The following AGPAT4 variants were observed in gnomAD, a reference collection of about 807,000 sequenced individuals.
AGPAT4 encodes 1-acyl-sn-glycerol-3-phosphate acyltransferase delta.
A neutral mutation model predicts 48.0 loss-of-function variants in AGPAT4; 15 were observed. The ratio of observed to expected loss-of-function variants is 0.31; its 90% CI spans 0.21 to 0.48. The LOEUF is 0.48. Among genes scored for constraint, AGPAT4 ranks in the 20% least tolerant of loss-of-function variants. The pLI, the probability that AGPAT4 is intolerant of heterozygous loss-of-function variation, is 0.99. For synonymous variants in AGPAT4, 178 were observed against 198.7 expected, an observed-to-expected ratio of 0.90 and a Z score of 0.88; for missense variants, 314 against 482.5, an observed-to-expected ratio of 0.65 and a Z score of 3.27.
At chr6:161,268,487 T>G (rs1452338244) in intron 1 of AGPAT4, among the ~76,000 whole-genome samples, 2 of 152,174 alleles carry the variant, frequency 1.3e-5, no homozygotes, top group African/African-American at 2.4e-5. Context: ...GGCCCTGGTG[T>G]GTGTTGTTCC....
Position 161,240,548 on chromosome 6 carries a change from G to A in AGPAT4, c.-89-8246C>T, listed in dbSNP as rs1028597540. On this transcript the variant is annotated intron_variant, in intron 1 of 8. Coordinates refer to ENST00000320285, the MANE Select transcript of AGPAT4 (RefSeq NM_020133.3). The surrounding 1 kb of genome is among the most constrained non-coding windows in gnomAD (Gnocchi z 5.5). ...CAAATAAAAGAAAATAAAAACTTCA[G>A]GGACTGGCAAAGAGAGCAGCACAGC... Among the ~76,000 whole-genome samples the A allele has an allele frequency of 1.3e-5, 2 of 152,186 alleles. No individual in the cohort carries two copies. The highest frequency in any genetic ancestry group is 4.8e-5 in the African/African-American group (2 of 41,440).
intron 2 of AGPAT4, among the ~76,000 whole-genome samples, chr6:161,173,551 G>A (rs1485851918): frequency 6.6e-6 from 1 of 152,162 alleles, no homozygotes; most frequent in African/African-American, 2.4e-5. Flanking sequence ...TTAGCCCTTT[G>A]TCAGATGGGT....
In AGPAT4 at chr6:161,235,866, C is replaced by T. The variant is rs539370135; in HGVS notation, c.-89-3564G>A. ...CCAATCAGCTCCCACCAGGTCCCAC[C>T]TCCAGTGCTGGGGATTACAAATTCA... is the stretch of plus-strand genomic sequence containing the variant. On this transcript the variant is annotated intron_variant, in intron 1 of 8. Coordinates refer to ENST00000320285, the MANE Select transcript of AGPAT4 (RefSeq NM_020133.3). This position sits in a 1 kb window ranked among gnomAD's most constrained non-coding sequence, Gnocchi z 6.2. Among the ~76,000 whole-genome samples the T allele has an allele frequency of 3.2e-4, 49 of 152,322 alleles. No homozygotes were observed. Among genetic ancestry groups the T allele is most frequent in the African/African-American group, 1.1e-3 (46 of 41,586 alleles).
chr6:161,160,867 G>C (rs1779908397), intron 3 of AGPAT4: 4 of 396,090 alleles, frequency 1.0e-5, no homozygotes, highest in South Asian at 7.4e-5. Context: ...GCGTTACAGG[G>C]GTAGGTGGGA....
In AGPAT4 at chr6:161,245,894, G is replaced by C. The variant is rs1258744317; in HGVS notation, c.-89-13592C>G. On this transcript the variant is annotated intron_variant, in intron 1 of 8. Transcript: ENST00000320285. This position sits in a 1 kb window ranked among gnomAD's most constrained non-coding sequence, Gnocchi z 5.2. ...GATTCATGCATAATGGACCTGAAGA[G>C]AGACTTATTAGAAAACAAATGCACT... 6.6e-6 allele frequency among the ~76,000 whole-genome samples: 1 copy of C among 152,188 alleles called. No individual in the cohort carries two copies. The highest frequency in any genetic ancestry group is 1.5e-5 in the Non-Finnish European group (1 of 68,046).
intron 2 of AGPAT4, among the ~76,000 whole-genome samples, chr6:161,199,835 T>C (rs750793748): frequency 6.6e-6 from 1 of 152,218 alleles, no homozygotes; most frequent in Non-Finnish European, 1.5e-5. Context: ...ATGCCTCCTG[T>C]ACCGTGAGTT....
At chr6:161,227,687 T>G (rs1258639153) in intron 2 of AGPAT4, among the ~76,000 whole-genome samples, 1 of 152,118 alleles carries the variant, frequency 6.6e-6, no homozygotes, top group Non-Finnish European at 1.5e-5. Context: ...CCTTCTCGAG[T>G]AGCAAATCTG....
At chr6:161,170,502 CACACAT>C (rs1008770000) in intron 2 of AGPAT4, among the ~76,000 whole-genome samples, 8 of 143,560 alleles carry the variant, frequency 5.6e-5, no homozygotes, top group South Asian at 2.2e-4. Context: ...CACACACACA[CACACAT>C]ACACATATAC....
At position 161,255,837 on chromosome 6, in the gene AGPAT4, A is replaced by G. The variant is rs1394677012; in HGVS notation, c.-90+18101T>C. ...CCATGAATATACAAAAAGCCATTGC[A>G]CTGCACACTTGCAATGGGTGAATTT... On this transcript the variant is annotated intron_variant, in intron 1 of 8. Transcript: ENST00000320285. This position sits in a 1 kb window ranked among gnomAD's most constrained non-coding sequence, Gnocchi z 4.7. Among the ~76,000 whole-genome samples the G allele has an allele frequency of 6.6e-6, 1 of 152,198 alleles. No homozygotes were observed. The highest frequency in any genetic ancestry group is 1.5e-5 in the Non-Finnish European group (1 of 68,040).
chr6:161,230,836 A>G (rs17551959), intron 2 of AGPAT4, among the ~76,000 whole-genome samples: 29,250 of 152,218 alleles, frequency 0.19, 3,050 homozygotes, highest in Non-Finnish European at 0.23. Context: ...ATTGTAATAC[A>G]AGACATGGAA....
rs7746770 is a variant in AGPAT4, at chr6:161,244,710, T to G, written c.-89-12408A>C. Among the ~76,000 whole-genome samples the G allele has an allele frequency of 0.075, 11,456 of 152,024 alleles. 1,296 individuals are homozygous for G. The highest frequency in any genetic ancestry group is 0.25 in the African/African-American group (10,201 of 41,368). ...TCCGATCCAGTAAAGCCGACAAGGG[T>G]GCACACATCTCTCCCTTTGGTCTGG... is the stretch of plus-strand genomic sequence containing the variant. On this transcript the variant is annotated intron_variant, in intron 1 of 8. Coordinates refer to ENST00000320285, the MANE Select transcript of AGPAT4 (RefSeq NM_020133.3). This position sits in a 1 kb window ranked among gnomAD's most constrained non-coding sequence, Gnocchi z 4.7.
Position 161,246,232 on chromosome 6 carries a change from C to T in AGPAT4, c.-89-13930G>A, listed in dbSNP as rs1284238110. On this transcript the variant is annotated intron_variant, in intron 1 of 8. Transcript: ENST00000320285. The surrounding 1 kb of genome is among the most constrained non-coding windows in gnomAD (Gnocchi z 5.5). ...TTCTTTCCAACTTTTAAGCAGAATC[C>T]AGGACAGAGTTGTTTAATTCACGCA... Among the ~76,000 whole-genome samples the T allele has an allele frequency of 6.6e-6, 1 of 152,086 alleles. No individual in the cohort carries two copies. Among genetic ancestry groups the T allele is most frequent in the Non-Finnish European group, 1.5e-5 (1 of 68,036 alleles).
Position 161,246,206 on chromosome 6 carries a change from G to T in AGPAT4, c.-89-13904C>A, listed in dbSNP as rs949216150. Among the ~76,000 whole-genome samples, 1 of 152,136 alleles carries T rather than the reference G, an allele frequency of 6.6e-6. No individual in the cohort carries two copies. The highest frequency in any genetic ancestry group is 6.5e-5 in the Admixed American group (1 of 15,268). On this transcript the variant is annotated intron_variant, in intron 1 of 8. Transcript: ENST00000320285. The surrounding 1 kb of genome is among the most constrained non-coding windows in gnomAD (Gnocchi z 5.5). ...AAAAGATGCTTGGAGAAGTGATGAGGTTCTTTCCAACTTTTAAGCAGAATC... is the reference window on the plus strand; with the variant it reads ...AAAAGATGCTTGGAGAAGTGATGAGTTTCTTTCCAACTTTTAAGCAGAATC...
intron 8 of AGPAT4, among the ~76,000 whole-genome samples, chr6:161,136,860 C>T (rs1369963281): frequency 4.6e-5 from 7 of 152,184 alleles, no homozygotes; most frequent in Non-Finnish European, 4.4e-5. Context: ...GGGTTTTCCT[C>T]CTTGGACCCT....
chr6:161,250,441 T>C (rs1389575396), intron 1 of AGPAT4, among the ~76,000 whole-genome samples: 1 of 152,214 alleles, frequency 6.6e-6, no homozygotes, highest in Non-Finnish European at 1.5e-5. Flanking sequence ...TCAGTTGCCA[T>C]ATTAGAATAT....
chr6:161,148,441 C>T lies in AGPAT4; in HGVS notation c.767+746G>A, dbSNP rs1779498098. Among the ~76,000 whole-genome samples the T allele has an allele frequency of 6.6e-6, 1 of 152,172 alleles. No homozygotes were observed. The highest frequency in any genetic ancestry group is 1.5e-5 in the Non-Finnish European group (1 of 68,038). On this transcript the variant is annotated intron_variant, in intron 6 of 8. Transcript: ENST00000320285. This position sits in a 1 kb window ranked among gnomAD's most constrained non-coding sequence, Gnocchi z 5.5. ...GTAGGGCCCCTGGATTTTCAGGGTG[C>T]TGTGTTGTAATGTGGCTTCTGTAAG...
intron 2 of AGPAT4, among the ~76,000 whole-genome samples, chr6:161,199,541 T>C (rs574575734): frequency 6.6e-6 from 1 of 152,286 alleles, no homozygotes; most frequent in South Asian, 2.1e-4. Context: ...TGCCTGGGGT[T>C]ATGGCCCTGG....
In AGPAT4 at chr6:161,133,386, G is replaced by T. The variant is rs1778964036; in HGVS notation, c.*3154C>A. 6.6e-6 allele frequency: 1 copy of T among 152,164 alleles called. No individual in the cohort carries two copies. The highest frequency in any genetic ancestry group is 1.5e-5 in the Non-Finnish European group (1 of 68,032). 9.4% of individuals were successfully genotyped at this position (152,164 alleles called of 1,614,324 possible). On this transcript the variant is annotated 3_prime_UTR_variant, in exon 9 of 9. Coordinates refer to ENST00000320285, the MANE Select transcript of AGPAT4 (RefSeq NM_020133.3). ...AAGCTTTGCATGCATTTGTTTAGAG[G>T]ATATTGCAGTCGAGATATTCCAGTA...
rs958825707 is a variant in AGPAT4, at chr6:161,177,761, G to T, written c.179-11344C>A. ...TAGAATTTTCAGCTTTTCTGCTCTG[G>T]TTTCTCCCCATCTTTGTGGTTTTAT... On this transcript the variant is annotated intron_variant, in intron 2 of 8. Coordinates refer to ENST00000320285, the MANE Select transcript of AGPAT4 (RefSeq NM_020133.3). This position sits in a 1 kb window ranked among gnomAD's most constrained non-coding sequence, Gnocchi z 5.0. Among the ~76,000 whole-genome samples the T allele has an allele frequency of 5.9e-5, 9 of 152,076 alleles. No individual in the cohort carries two copies. Among genetic ancestry groups the T allele is most frequent in the Non-Finnish European group, 1.3e-4 (9 of 68,020 alleles).
Sources: allele counts gnomAD v4.1 joint callset (sites outside exome capture counted in the v4.1 genomes callset), GRCh38; gene constraint gnomAD v4.1.1; non-coding constraint Gnocchi (gnomAD v3.1); transcripts MANE v1.5; gene names NCBI Gene and HGNC (gene_info 2026-07-23, HGNC 2026-07-21).